NEUROD1: variants seen among roughly 807,000 people sequenced by gnomAD.
NEUROD1 encodes the protein neuronal differentiation 1.
Under a neutral mutation model 21.8 loss-of-function variants are expected in NEUROD1, and 9 were observed. The ratio of observed to expected loss-of-function variants is 0.41; its 90% CI spans 0.25 to 0.72. The LOEUF is 0.72. Among genes scored for constraint, NEUROD1 ranks in the 30% least tolerant of loss-of-function variants. NEUROD1 has a pLI of 0.31. For synonymous variants in NEUROD1, 199 were observed against 186.2 expected, an observed-to-expected ratio of 1.07 and a Z score of -0.56; for missense variants, 434 against 468.8, an observed-to-expected ratio of 0.93 and a Z score of 0.69.
downstream of NEUROD1, among the ~76,000 whole-genome samples, chr2:181,672,669 C>A (rs891474847): frequency 1.3e-5 from 2 of 152,136 alleles, no homozygotes; most frequent in African/African-American, 4.8e-5. Flanking sequence ...GTAAAAGCTT[C>A]TTTGAGGAAG....
exon 2 of NEUROD1, among the ~76,000 whole-genome samples, chr2:181,671,116 A>G (rs1688492354): frequency 2.6e-5 from 4 of 151,896 alleles, no homozygotes; most frequent in Admixed American, 2.6e-4. Flanking sequence ...ATATAAATGC[A>G]CCAGTAGTTA....
downstream of NEUROD1, among the ~76,000 whole-genome samples, chr2:181,675,375 G>A (rs1399064207): frequency 1.3e-5 from 2 of 152,116 alleles, no homozygotes; most frequent in Admixed American, 1.3e-4. Flanking sequence ...AATTGTTCCT[G>A]TCCATTACAT....
rs1318645910 is a variant in NEUROD1 at position 181,677,892 on chromosome 2, G to A, written c.969C>T (p.Ala323=). ...TGTCTATGGGGATCTCGCAGCGAGGGGCAGCGGTGCCTGAGAAGATTGATC... is the reference window on the plus strand; with the variant it reads ...TGTCTATGGGGATCTCGCAGCGAGGAGCAGCGGTGCCTGAGAAGATTGATC... ...SHGSIFSGTA[A]PRCEIPIDNI... Residue 323 remains alanine (A), a synonymous_variant, in exon 2 of 2, where the codon GCC becomes GCT. Transcript: ENST00000295108. 1 of 1,614,170 alleles carries A rather than the reference G, an allele frequency of 6.2e-7. No homozygotes were observed.
downstream of NEUROD1, among the ~76,000 whole-genome samples, chr2:181,668,461 C>T (rs952062337): frequency 6.6e-6 from 1 of 152,140 alleles, no homozygotes; most frequent in African/African-American, 2.4e-5. Flanking sequence ...TTATCTCTCC[C>T]TTGTAAAACC....
At chr2:181,669,148 C>T (rs1688461622), downstream of NEUROD1, among the ~76,000 whole-genome samples, 1 of 152,094 alleles carries the variant, frequency 6.6e-6, no homozygotes. Flanking sequence ...AGGGTTTTCT[C>T]CATCTTAGTG....
chr2:181,678,045 G>A lies in NEUROD1; in HGVS notation c.816C>T (p.Pro272=), dbSNP rs1688617275. 4 of 1,614,066 alleles carry A rather than the reference G, an allele frequency of 2.5e-6. No individual in the cohort carries two copies. The highest frequency in any genetic ancestry group is 2.7e-5 in the African/African-American group (2 of 74,924). The change falls in exon 2 of 2, where the codon CCC becomes CCT. Residue 272 remains proline (P), a synonymous_variant. Coordinates refer to ENST00000295108, the MANE Select transcript of NEUROD1 (RefSeq NM_002500.5). The surrounding 1 kb of genome is among the most constrained non-coding windows in gnomAD (Gnocchi z 5.5). ...TDCTSPSFDG[P]LSPPLSINGN... ...CATTGATGCTGAGCGGCGGGCTGAG[G>A]GGTCCATCAAAGGAAGGGCTGGTGC...
In NEUROD1 at chr2:181,678,090, A is replaced by G. The variant is rs1277707659; in HGVS notation, c.771T>C (p.Phe257=). ...TGGTGCAATCAGTCAGAGGGCTTTCAAAGAAGGGCTCCAGCGCTGCGCTGT... is the reference window on the plus strand; with the variant it reads ...TGGTGCAATCAGTCAGAGGGCTTTCGAAGAAGGGCTCCAGCGCTGCGCTGT... ...HAYSAALEPF[F]ESPLTDCTSP... is the part of the protein sequence containing the mutation. The change falls in exon 2 of 2, where the codon TTT becomes TTC. Residue 257 remains phenylalanine (F), a synonymous_variant. Coordinates refer to ENST00000295108, the MANE Select transcript of NEUROD1 (RefSeq NM_002500.5). The surrounding 1 kb of genome is among the most constrained non-coding windows in gnomAD (Gnocchi z 5.5). The G allele has an allele frequency of 7.4e-6, 12 of 1,614,048 alleles. No homozygotes were observed. Among genetic ancestry groups the G allele is most frequent in the South Asian group, 1.1e-5 (1 of 91,088 alleles).
downstream of NEUROD1, among the ~76,000 whole-genome samples, chr2:181,670,138 C>A: frequency 6.6e-6 from 1 of 152,002 alleles, no homozygotes; most frequent in East Asian, 1.9e-4. Context: ...TATGCTAATC[C>A]ACAAATCAAA....
downstream of NEUROD1, among the ~76,000 whole-genome samples, chr2:181,674,128 C>A (rs982102722): frequency 6.6e-6 from 1 of 151,998 alleles, no homozygotes; most frequent in South Asian, 2.1e-4. Context: ...AATATTTAGC[C>A]CAATTTCATC....
At chr2:181,668,978 G>A (rs1171070071), downstream of NEUROD1, among the ~76,000 whole-genome samples, 2 of 152,094 alleles carry the variant, frequency 1.3e-5, no homozygotes, top group African/African-American at 2.4e-5. Context: ...ATAAACTTCT[G>A]CTACTCTGTT....
rs1427622140 is a variant in NEUROD1 at position 181,677,174 on chromosome 2, G to A, written c.*616C>T. 2 of 119,612 alleles carry A rather than the reference G, an allele frequency of 1.7e-5. No homozygotes were observed. Among genetic ancestry groups the A allele is most frequent in the African/African-American group, 6.3e-5 (2 of 31,576 alleles). The allele number at this position is 119,612 out of a possible 1,614,324, so 7.4% of individuals were successfully genotyped here. A position where few individuals can be genotyped will look rare whatever the true frequency, so the allele number is the denominator to read the frequency against. ...AATTGGAGAGGAAAGAAGTGCTAAG[G>A]CAACACAATAACTTTCTAAGCACTT... On this transcript the variant is annotated 3_prime_UTR_variant, in exon 2 of 2. Coordinates refer to ENST00000295108, the MANE Select transcript of NEUROD1 (RefSeq NM_002500.5).
chr2:181,675,366 A>G (rs1338128751), downstream of NEUROD1, among the ~76,000 whole-genome samples: 2 of 152,198 alleles, frequency 1.3e-5, no homozygotes, highest in Non-Finnish European at 2.9e-5. Flanking sequence ...AGTATGGCTA[A>G]TTGTTCCTGT....
rs1688591289 is a variant in NEUROD1 at position 181,677,111 on chromosome 2, AATTTTT to A, written c.*673_*678del. The A allele has an allele frequency of 1.8e-5, 1 of 56,608 alleles. No individual in the cohort carries two copies. The highest frequency in any genetic ancestry group is 5.2e-5 in the African/African-American group (1 of 19,220). 3.5% of individuals were successfully genotyped at this position (56,608 alleles called of 1,614,324 possible). On this transcript the variant is annotated 3_prime_UTR_variant, in exon 2 of 2. Transcript: ENST00000295108. ...GTGAAATGAATTGCTCAAATTGTGC[AATTTTT>A]TTTTTTTTTTTTTTTTTTTTTTTTT...
chr2:181,670,526 A>G (rs1431087350), exon 2 of NEUROD1, among the ~76,000 whole-genome samples: 2 of 152,156 alleles, frequency 1.3e-5, no homozygotes, highest in East Asian at 1.9e-4. Context: ...TAGTATACCT[A>G]TCAGTTTCCT....
chr2:181,678,479 C>T lies in NEUROD1; in HGVS notation c.382G>A (p.Val128Met). ...NAALDNLRKV[V>M]PCYSKTQKLS... is the part of the protein sequence containing the mutation. ...TTCTGCGTCTTAGAATAGCAAGGCA[C>T]CACCTTGCGCAGGTTGTCTAGCGCC... Residue 128 changes from valine to methionine, a missense_variant, in exon 2 of 2, where the codon GTG becomes ATG. Physicochemically the swap from Val to Met is conservative, Grantham distance 21 (BLOSUM62 1). Transcript: ENST00000295108. This position sits in a 1 kb window ranked among gnomAD's most constrained non-coding sequence, Gnocchi z 5.5. 6.2e-7 allele frequency: 1 copy of T among 1,614,256 alleles called. No individual in the cohort carries two copies.
chr2:181,670,325 A>G (rs985242678), downstream of NEUROD1, among the ~76,000 whole-genome samples: 1 of 152,184 alleles, frequency 6.6e-6, no homozygotes, highest in Non-Finnish European at 1.5e-5. Flanking sequence ...AAACAATAAA[A>G]CTTTTATATA....
Position 181,677,732 on chromosome 2 carries a change from G to T in NEUROD1, c.*58C>A. On this transcript the variant is annotated 3_prime_UTR_variant, in exon 2 of 2. Transcript: ENST00000295108. ...CCAAAGGGCTGCCTTTTGTAAACACGACAGTCACTGTAAGCACAGTGGGTT... is the reference window on the plus strand; with the variant it reads ...CCAAAGGGCTGCCTTTTGTAAACACTACAGTCACTGTAAGCACAGTGGGTT... 3 of 1,612,988 alleles carry T rather than the reference G, an allele frequency of 1.9e-6. No homozygotes were observed. The highest frequency in any genetic ancestry group is 1.7e-4 in the Middle Eastern group (1 of 5,952).
downstream of NEUROD1, among the ~76,000 whole-genome samples, chr2:181,669,391 G>GTCTA (rs1434392837): frequency 6.6e-6 from 1 of 151,948 alleles, no homozygotes; most frequent in Non-Finnish European, 1.5e-5. Flanking sequence ...TCTGCTCCCC[G>GTCTA]TCTATCTTTC....
chr2:181,670,938 A>G (rs1688488769), exon 2 of NEUROD1, among the ~76,000 whole-genome samples: 1 of 152,024 alleles, frequency 6.6e-6, no homozygotes, highest in African/African-American at 2.4e-5. Context: ...AAATGAGGCC[A>G]CATTTTGAGG....
Sources: gnomAD v4.1 joint callset for allele counts (sites outside exome capture counted in the v4.1 genomes callset) on GRCh38, gnomAD v4.1.1 for gene constraint, Gnocchi (gnomAD v3.1) non-coding constraint, MANE v1.5 for transcripts, NCBI Gene and HGNC (gene_info 2026-07-23, HGNC 2026-07-21) for gene names.